Variants in ECT2 observed in about 807,000 individuals in gnomAD.
ECT2 encodes protein ECT2.
In ECT2, 61 loss-of-function variants were observed where a neutral mutation model predicts 116.9. The ratio of observed to expected loss-of-function variants is 0.52; its 90% CI spans 0.42 to 0.65. The LOEUF is 0.65. Among genes scored for constraint, ECT2 ranks in the 30% least tolerant of loss-of-function variants. The pLI, the probability that ECT2 is intolerant of heterozygous loss-of-function variation, is 0.00. For missense variants in ECT2, 937 were observed against 1,078.7 expected, an observed-to-expected ratio of 0.87 and a Z score of 1.84; for synonymous variants, 358 against 346.4, an observed-to-expected ratio of 1.03 and a Z score of -0.37.
intron 22 of ECT2, among the ~76,000 whole-genome samples, chr3:172,814,732 A>T (rs1188119655): frequency 6.6e-6 from 1 of 152,176 alleles, no homozygotes; most frequent in Non-Finnish European, 1.5e-5. Context: ...ATACATGTAT[A>T]CATTGTGTGT....
In ECT2 at chr3:172,758,969, G is replaced by A; in HGVS notation, c.487-11G>A. The A allele has an allele frequency of 6.3e-7, 1 of 1,597,564 alleles. No individual in the cohort carries two copies. The highest frequency in any genetic ancestry group is 1.1e-5 in the South Asian group (1 of 88,576). Reference sequence around the variant, plus strand: ...GAGAAAGCTCACATTTAAAATTGTTGTATCCTTCAGCCTTTGCCATTTTCA... The same window carrying A: ...GAGAAAGCTCACATTTAAAATTGTTATATCCTTCAGCCTTTGCCATTTTCA... On this transcript the variant is annotated splice_polypyrimidine_tract_variant and intron_variant, in intron 5 of 24. Transcript: ENST00000392692.
intron 5 of ECT2, among the ~76,000 whole-genome samples, chr3:172,758,631 CA>C (rs902933284): frequency 2.6e-5 from 4 of 152,202 alleles, no homozygotes; most frequent in Admixed American, 1.3e-4. Context: ...GTTTTAATGA[CA>C]TTAATTAGAA....
intron 18 of ECT2, among the ~76,000 whole-genome samples, chr3:172,792,134 C>T (rs1301887743): frequency 3.3e-5 from 5 of 151,952 alleles, no homozygotes; most frequent in Non-Finnish European, 7.4e-5. Context: ...AGTGGTGTCC[C>T]GAAACAATTA....
intron 22 of ECT2, among the ~76,000 whole-genome samples, chr3:172,815,083 G>A (rs1729454583): frequency 6.6e-6 from 1 of 152,120 alleles, no homozygotes; most frequent in Admixed American, 6.6e-5. Flanking sequence ...CACTCTTCAG[G>A]AATATGCCCT....
In ECT2 at chr3:172,755,334, A is replaced by C; in HGVS notation, c.170A>C (p.Gln57Pro). ...ATTGAAACAAGAGTGATATTGGTTC[A>C]AGAAGCTGGAAAACAAGAAGAACTT... is the stretch of plus-strand genomic sequence containing the variant. Reference protein sequence around the residue: ...PQIETRVILVQEAGKQEELIK... With the variant: ...PQIETRVILVPEAGKQEELIK... The change falls in exon 3 of 25, where the codon CAA becomes CCA. Residue 57 changes from glutamine to proline, a missense_variant. Gln to Pro is a moderately conservative substitution (Grantham distance 76). Transcript: ENST00000392692. The C allele has an allele frequency of 6.2e-7, 1 of 1,605,474 alleles. No homozygotes were observed. Among genetic ancestry groups the C allele is most frequent in the East Asian group, 2.2e-5 (1 of 44,748 alleles).
At chr3:172,809,583 ACACACACACACACACG>A (rs1186660123) in intron 22 of ECT2, among the ~76,000 whole-genome samples, 22 of 150,616 alleles carry the variant, frequency 1.5e-4, no homozygotes, top group African/African-American at 4.4e-4. Context: ...ACACACACAC[ACACACACACACACACG>A]CACACACACA....
rs56142528 is a variant in ECT2 at position 172,818,660 on chromosome 3, G to A, written c.2656-1488G>A. ...CAGTACTCCTGGTTTCAATCTGTAC[G>A]TCATTCTGCTTTCCGAGCTAGTTTT... On this transcript the variant is annotated intron_variant, in intron 24 of 24. Coordinates refer to ENST00000392692, the MANE Select transcript of ECT2 (RefSeq NM_001258315.2). The A allele has an allele frequency of 0.012, 15,752 of 1,289,176 alleles. 1,549 individuals are homozygous for A. In the African/African-American group the frequency reaches 0.21, roughly 17 times the overall value. 79.9% of individuals were successfully genotyped at this position (1,289,176 alleles called of 1,614,324 possible). A position where few individuals can be genotyped will look rare whatever the true frequency, so the allele number is the denominator to read the frequency against.
At chr3:172,773,011 T>G (rs1477528179) in intron 13 of ECT2, among the ~76,000 whole-genome samples, 2 of 152,186 alleles carry the variant, frequency 1.3e-5, no homozygotes, top group African/African-American at 4.8e-5. Flanking sequence ...CACCACAGCT[T>G]TGTAGTAAGA....
intron 14 of ECT2, 62 bp downstream of exon 14, chr3:172,774,084 C>G: frequency 1.0e-5 from 15 of 1,499,874 alleles, no homozygotes; most frequent in Non-Finnish European, 1.4e-5. Context: ...TTATTATGAT[C>G]TTTGAGGTAC....
At chr3:172,767,979 G>T (rs963542186) in intron 12 of ECT2, among the ~76,000 whole-genome samples, 1 of 152,086 alleles carries the variant, frequency 6.6e-6, no homozygotes, top group Non-Finnish European at 1.5e-5. Context: ...TGATCTGTCC[G>T]CCTTGGCCTC....
At chr3:172,816,298 A>G (rs191617212) in intron 23 of ECT2, among the ~76,000 whole-genome samples, 6 of 152,180 alleles carry the variant, frequency 3.9e-5, no homozygotes, top group African/African-American at 1.4e-4. Context: ...TGTATCTCCT[A>G]TCATTTAACA....
At chr3:172,789,519 T>C (rs919684805) in intron 18 of ECT2, among the ~76,000 whole-genome samples, 2 of 152,134 alleles carry the variant, frequency 1.3e-5, no homozygotes, top group Non-Finnish European at 2.9e-5. Flanking sequence ...TTTGTTAAAA[T>C]AAGACAGCAA....
chr3:172,827,070 C>T, the ECT2 span, among the ~76,000 whole-genome samples: 9 of 152,036 alleles, frequency 5.9e-5, no homozygotes, highest in East Asian at 3.9e-4. Flanking sequence ...AAATGTACAT[C>T]GAAACTACAA....
intron 18 of ECT2, among the ~76,000 whole-genome samples, chr3:172,788,982 C>T (rs375109363): frequency 1.5e-4 from 22 of 142,488 alleles, no homozygotes; most frequent in South Asian, 6.6e-4. Context: ...CGCTGGAACC[C>T]GGGATGTGGA....
chr3:172,807,316 C>T (rs1240314541), intron 21 of ECT2, among the ~76,000 whole-genome samples: 1 of 152,046 alleles, frequency 6.6e-6, no homozygotes, highest in Non-Finnish European at 1.5e-5. Flanking sequence ...TTTTTTTCTA[C>T]TATTTTCGGT....
chr3:172,768,255 G>A (rs899345264), intron 12 of ECT2, among the ~76,000 whole-genome samples: 1 of 152,054 alleles, frequency 6.6e-6, no homozygotes, highest in Non-Finnish European at 1.5e-5. Flanking sequence ...TTACATGTAA[G>A]TATTTTTACA....
At position 172,760,712 on chromosome 3, in the gene ECT2, C is replaced by CTTTTT. The variant is rs60727631; in HGVS notation, c.684+471_684+475dup. Among the ~76,000 whole-genome samples the CTTTTT allele has an allele frequency of 5.2e-5, 4 of 76,192 alleles. 1 individual carries two copies. The highest frequency in any genetic ancestry group is 1.3e-4 in the Admixed American group (1 of 7,710). 50.0% of individuals were successfully genotyped at this position (76,192 alleles called of 152,430 possible). A position where few individuals can be genotyped will look rare whatever the true frequency, so the allele number is the denominator to read the frequency against. ...AGGGAATTTACTCTTGTCTAAGTGC[C>CTTTTT]TTTTTTTTTTTTTTTTTTTTTTTTT... On this transcript the variant is annotated intron_variant, in intron 7 of 24. Coordinates refer to ENST00000392692, the MANE Select transcript of ECT2 (RefSeq NM_001258315.2).
intron 24 of ECT2, chr3:172,818,525 A>G (rs1730156941): frequency 2.5e-6 from 3 of 1,222,594 alleles, no homozygotes; most frequent in South Asian, 2.8e-5. Context: ...CATCTTCTCA[A>G]TTGCTTGTTT....
intron 22 of ECT2, among the ~76,000 whole-genome samples, chr3:172,812,810 A>G (rs946994035): frequency 3.9e-5 from 6 of 152,174 alleles, no homozygotes; most frequent in African/African-American, 1.4e-4. Flanking sequence ...GGTTTTTAGT[A>G]TATATCTGTT....
Sources: gnomAD v4.1 joint callset for allele counts (sites outside exome capture counted in the v4.1 genomes callset) on GRCh38, gnomAD v4.1.1 for gene constraint, MANE v1.5 for transcripts, NCBI Gene and HGNC (gene_info 2026-07-23, HGNC 2026-07-21) for gene names.